Variants in SMG6 observed in about 807,000 individuals in gnomAD.
SMG6 encodes SMG6 nonsense mediated mRNA decay factor.
In SMG6, 66 loss-of-function variants were observed where a neutral mutation model predicts 142.2. The observed-to-expected ratio is 0.46, with a 90% CI of 0.38 to 0.57. The LOEUF is 0.57. Among genes scored for constraint, SMG6 ranks in the 20% least tolerant of loss-of-function variants. The pLI is 0.00. For synonymous variants in SMG6, 779 were observed against 702.4 expected, an observed-to-expected ratio of 1.11 and a Z score of -1.72; for missense variants, 1,793 against 1,832.0, an observed-to-expected ratio of 0.98 and a Z score of 0.39.
intron 8 of SMG6, among the ~76,000 whole-genome samples, chr17:2,273,094 G>T (rs2151360284): frequency 6.6e-6 from 1 of 152,272 alleles, no homozygotes; most frequent in Non-Finnish European, 1.5e-5. Flanking sequence ...GTTTTACAGG[G>T]AAAATGTGTA....
chr17:2,072,980 T>C (rs895055792), intron 15 of SMG6: 3 of 152,232 alleles, frequency 2.0e-5, no homozygotes, highest in Admixed American at 6.5e-5. Context: ...TTTTTTATTT[T>C]CTACATATCC....
intron 12 of SMG6, among the ~76,000 whole-genome samples, chr17:2,186,153 G>A (rs951306508): frequency 6.6e-6 from 1 of 151,910 alleles, no homozygotes; most frequent in Non-Finnish European, 1.5e-5. Context: ...ACATGAGCTG[G>A]GAGGTGGAGG....
intron 10 of SMG6, among the ~76,000 whole-genome samples, chr17:2,208,544 C>T (rs1296778164): frequency 6.6e-6 from 1 of 152,212 alleles, no homozygotes; most frequent in African/African-American, 2.4e-5. Context: ...CTGAACGGTA[C>T]TTCACATGGT....
At chr17:2,274,348 A>C (rs1407524755) in intron 8 of SMG6, among the ~76,000 whole-genome samples, 1 of 152,250 alleles carries the variant, frequency 6.6e-6, no homozygotes, top group Non-Finnish European at 1.5e-5. Context: ...CTACTTAAGC[A>C]CTGAGCCCAG....
intron 12 of SMG6, among the ~76,000 whole-genome samples, chr17:2,182,695 C>T (rs1026469729): frequency 1.3e-5 from 2 of 152,116 alleles, no homozygotes; most frequent in Admixed American, 6.5e-5. Context: ...AAAGTGCCCT[C>T]CAAAGTAGCC....
intron 13 of SMG6, among the ~76,000 whole-genome samples, chr17:2,149,657 G>A (rs981341186): frequency 4.6e-5 from 7 of 152,180 alleles, no homozygotes; most frequent in Non-Finnish European, 8.8e-5. Context: ...TGACTGGCAA[G>A]GCCAAATATT....
intron 13 of SMG6, among the ~76,000 whole-genome samples, chr17:2,156,524 C>T (rs181488093): frequency 6.6e-6 from 1 of 151,992 alleles, no homozygotes; most frequent in East Asian, 1.9e-4. Context: ...GATCCAGCCA[C>T]ACACAACTTG....
chr17:2,226,251 G>T (rs1328571484), intron 10 of SMG6, among the ~76,000 whole-genome samples: 1 of 149,362 alleles, frequency 6.7e-6, no homozygotes, highest in Non-Finnish European at 1.5e-5. Flanking sequence ...CTCCAGCCTA[G>T]GAAACAAGAG....
At chr17:2,076,404 T>C (rs1185842989) in intron 15 of SMG6, among the ~76,000 whole-genome samples, 16 of 152,176 alleles carry the variant, frequency 1.1e-4, no homozygotes, top group Admixed American at 1.0e-3. Context: ...CCCAGGACAA[T>C]TTATACCTTT....
intron 8 of SMG6, among the ~76,000 whole-genome samples, chr17:2,246,060 C>G (rs1483419874): frequency 6.6e-6 from 1 of 152,072 alleles, no homozygotes. Context: ...TTAAAGAAGC[C>G]AAAAAACACA....
At position 2,109,981 on chromosome 17, in the gene SMG6, G is replaced by A. The variant is rs374252340; in HGVS notation, c.3358-24080C>T. 1.1e-4 allele frequency among the ~76,000 whole-genome samples: 16 copies of A among 151,582 alleles called. No individual in the cohort carries two copies. In the East Asian group the frequency reaches 1.4e-3, roughly 13 times the overall value. On this transcript the variant is annotated intron_variant, in intron 13 of 18. Transcript: ENST00000263073. ...GTCTGCAGTCCCAACTACTTGGGAG[G>A]CTGAGGCATGAGAATTGCTTGAACC...
At position 2,186,639 on chromosome 17, in the gene SMG6, G is replaced by A. The variant is rs1357609826; in HGVS notation, c.3155+24C>T. On this transcript the variant is annotated intron_variant, in intron 12 of 18. Transcript: ENST00000263073. ...CGGGCAGGCCCAAGCCAGTGGTGCTGAAGCAATGGGCAGGTCAACTCACTG... is the reference window on the plus strand; with the variant it reads ...CGGGCAGGCCCAAGCCAGTGGTGCTAAAGCAATGGGCAGGTCAACTCACTG... 12 of 1,613,280 alleles carry A rather than the reference G, an allele frequency of 7.4e-6. 1 individual carries two copies. Among genetic ancestry groups the A allele is most frequent in the Admixed American group, 6.7e-5 (4 of 59,998 alleles).
At chr17:2,249,094 C>T (rs377331215) in intron 8 of SMG6, among the ~76,000 whole-genome samples, 23 of 151,918 alleles carry the variant, frequency 1.5e-4, no homozygotes, top group Admixed American at 4.6e-4. Context: ...GGGGTTTCAC[C>T]GTGTTAGCCA....
chr17:2,195,666 AT>A (rs1367693778), intron 10 of SMG6, among the ~76,000 whole-genome samples: 1 of 152,204 alleles, frequency 6.6e-6, no homozygotes, highest in East Asian at 1.9e-4. Flanking sequence ...TAACTAAGAC[AT>A]TTTGAGACCT....
chr17:2,098,534 T>C (rs1388003234), intron 13 of SMG6, among the ~76,000 whole-genome samples: 2 of 152,246 alleles, frequency 1.3e-5, no homozygotes, highest in East Asian at 3.8e-4. Flanking sequence ...TTTCATCTTG[T>C]CATTTACTTC....
chr17:2,074,939 G>A (rs2068214926), intron 15 of SMG6, among the ~76,000 whole-genome samples: 1 of 152,238 alleles, frequency 6.6e-6, no homozygotes, highest in South Asian at 2.1e-4. Flanking sequence ...CCACTCTGTG[G>A]GAAGCCAGGC....
At chr17:2,096,042 T>C (rs2068847178) in intron 13 of SMG6, among the ~76,000 whole-genome samples, 1 of 152,176 alleles carries the variant, frequency 6.6e-6, no homozygotes, top group Non-Finnish European at 1.5e-5. Context: ...CATCGTCTTT[T>C]AAGCTTGGTA....
intron 13 of SMG6, among the ~76,000 whole-genome samples, chr17:2,090,206 AAG>A (rs2068678589): frequency 1.5e-5 from 2 of 135,092 alleles, no homozygotes; most frequent in East Asian, 4.6e-4. Context: ...AAAAAAAGGA[AAG>A]AAGAAAAAAT....
At chr17:2,065,434 C>T in intron 17 of SMG6, 34 bp downstream of exon 17, 2 of 1,592,208 alleles carry the variant, frequency 1.3e-6, no homozygotes, top group Non-Finnish European at 1.7e-6. Context: ...TGGAAGCTGG[C>T]TGTGGGCTTT....
Sources: allele counts gnomAD v4.1 joint callset (sites outside exome capture counted in the v4.1 genomes callset), GRCh38; gene constraint gnomAD v4.1.1; transcripts MANE v1.5; gene names NCBI Gene and HGNC (gene_info 2026-07-23, HGNC 2026-07-21).